The following CTNND2 variants were observed in gnomAD, a reference collection of about 807,000 sequenced individuals.
CTNND2 encodes catenin delta 2, also known as catenin delta-2.
CTNND2 carries 22 observed loss-of-function variants against 144.4 expected under a neutral mutation model. That is an observed-to-expected ratio of 0.15 (90% CI 0.11 to 0.22). CTNND2 has a LOEUF of 0.22. Among genes scored for constraint, CTNND2 ranks in the 10% least tolerant of loss-of-function variants. CTNND2 has a pLI of 1.00. For synonymous variants in CTNND2, 751 were observed against 695.6 expected (o/e 1.08, Z -1.25); for missense variants, 1,353 against 1,618.8 (o/e 0.84, Z 2.82).
chr5:11,141,221 T>C (rs1231463826), intron 12 of CTNND2, among the ~76,000 whole-genome samples: 4 of 152,222 alleles, frequency 2.6e-5, no homozygotes, highest in Non-Finnish European at 5.9e-5. Context: ...CCCAAAGTGC[T>C]GGGATTACAG....
chr5:11,099,562 G>A (rs1214245761), intron 14 of CTNND2, among the ~76,000 whole-genome samples: 1 of 151,938 alleles, frequency 6.6e-6, no homozygotes, highest in African/African-American at 2.4e-5. Context: ...AAGTAGTATG[G>A]GATTTGCACA....
chr5:11,543,932 A>G (rs1022907496), intron 3 of CTNND2, among the ~76,000 whole-genome samples: 6 of 152,200 alleles, frequency 3.9e-5, no homozygotes, highest in Non-Finnish European at 7.3e-5. Context: ...TGTAATTCCC[A>G]TAAATAAGTT....
At chr5:11,022,238 T>C (rs1220322675) in intron 17 of CTNND2, among the ~76,000 whole-genome samples, 1 of 152,166 alleles carries the variant, frequency 6.6e-6, no homozygotes, top group Non-Finnish European at 1.5e-5. Context: ...TAGGTTTAGA[T>C]TGGAAAGTAT....
chr5:11,382,932 C>T (rs1260399647), intron 7 of CTNND2, among the ~76,000 whole-genome samples: 2 of 152,086 alleles, frequency 1.3e-5, no homozygotes, highest in Non-Finnish European at 2.9e-5. Context: ...AGTTTGCAAC[C>T]TAAGCGCAAT....
At chr5:11,842,431 A>G (rs1330612814) in intron 1 of CTNND2, among the ~76,000 whole-genome samples, 1 of 152,154 alleles carries the variant, frequency 6.6e-6, no homozygotes, top group Non-Finnish European at 1.5e-5. Context: ...AAATCTCCTT[A>G]GATATGGGCC....
At chr5:11,510,739 T>C (rs1056197615) in intron 3 of CTNND2, among the ~76,000 whole-genome samples, 1 of 152,182 alleles carries the variant, frequency 6.6e-6, no homozygotes, top group East Asian at 1.9e-4. Context: ...AAGACCAGCC[T>C]GGCCAACATG....
chr5:11,286,806 G>A (rs1425953046), intron 9 of CTNND2, among the ~76,000 whole-genome samples: 1 of 152,110 alleles, frequency 6.6e-6, no homozygotes, highest in Admixed American at 6.6e-5. Flanking sequence ...GAAGATACAC[G>A]TTCCTCTGGT....
chr5:11,407,853 G>A (rs1761215070), intron 5 of CTNND2, among the ~76,000 whole-genome samples: 2 of 150,982 alleles, frequency 1.3e-5, no homozygotes, highest in African/African-American at 4.8e-5. Flanking sequence ...CTATACGGGA[G>A]AGGTAAATAT....
intron 11 of CTNND2, among the ~76,000 whole-genome samples, chr5:11,165,610 G>A (rs1259863821): frequency 6.6e-6 from 1 of 152,014 alleles, no homozygotes; most frequent in Non-Finnish European, 1.5e-5. Flanking sequence ...CTTTATCAGT[G>A]TAAAATTATT....
intron 7 of CTNND2, among the ~76,000 whole-genome samples, chr5:11,369,849 A>T (rs1161114606): frequency 6.6e-6 from 1 of 152,226 alleles, no homozygotes; most frequent in Admixed American, 6.5e-5. Context: ...TAAGAGAATG[A>T]GCCTCACTGG....
intron 10 of CTNND2, among the ~76,000 whole-genome samples, chr5:11,210,295 G>T (rs1738496571): frequency 6.6e-6 from 1 of 152,184 alleles, no homozygotes; most frequent in South Asian, 2.1e-4. Context: ...CTACTCAGGA[G>T]GCTGAGGAAT....
At position 11,204,571 on chromosome 5, in the gene CTNND2, C is replaced by CATCACTAAAGG. The variant is rs533365760; in HGVS notation, c.1762-4911_1762-4910insCCTTTAGTGAT. On this transcript the variant is annotated intron_variant, in intron 10 of 21. Coordinates refer to ENST00000304623, the MANE Select transcript of CTNND2 (RefSeq NM_001332.4). ...AGCACCTATTGCAAAAATAGGGCCC[C>CATCACTAAAGG]ATTTGTTACTCTTAACATAATCTGC... Among the ~76,000 whole-genome samples, 374 of 152,142 alleles carry CATCACTAAAGG rather than the reference C, an allele frequency of 2.5e-3. 4 individuals are homozygous for CATCACTAAAGG. The highest frequency in any genetic ancestry group is 7.4e-3 in the African/African-American group (308 of 41,458).
At chr5:11,347,450 T>G (rs962924786) in intron 8 of CTNND2, among the ~76,000 whole-genome samples, 1 of 152,248 alleles carries the variant, frequency 6.6e-6, no homozygotes, top group African/African-American at 2.4e-5. Flanking sequence ...GAATTTCAAT[T>G]TTTTGTTTCC....
At chr5:11,826,668 T>C (rs1254619153) in intron 1 of CTNND2, among the ~76,000 whole-genome samples, 1 of 151,892 alleles carries the variant, frequency 6.6e-6, no homozygotes, top group Non-Finnish European at 1.5e-5. Flanking sequence ...AAAATGATAA[T>C]ATCAAGTACC....
chr5:11,566,859 C>T lies in CTNND2; in HGVS notation c.175-1803G>A, dbSNP rs116824174. 1.7e-3 allele frequency among the ~76,000 whole-genome samples: 252 copies of T among 152,268 alleles called. 2 individuals are homozygous for T. The highest frequency in any genetic ancestry group is 5.9e-3 in the African/African-American group (247 of 41,558). ...TCGTTTGCAAGCTTCCTTCCCAGCACGCAGTCAGATTTTCCAAGACTCTTC... is the reference window on the plus strand; with the variant it reads ...TCGTTTGCAAGCTTCCTTCCCAGCATGCAGTCAGATTTTCCAAGACTCTTC... On this transcript the variant is annotated intron_variant, in intron 2 of 21. Transcript: ENST00000304623.
Position 11,098,656 on chromosome 5 carries a change from T to C in CTNND2, c.2556A>G (p.Thr852=). The C allele has an allele frequency of 1.9e-6, 3 of 1,614,058 alleles. No homozygotes were observed. Among genetic ancestry groups the C allele is most frequent in the Non-Finnish European group, 1.7e-6 (2 of 1,179,970 alleles). ...CTGGATTTGAGCACTCAGAGAGCAG[T>C]GTGAGGTAGGGTTTGACTATTGATG... ...WHPSIVKPYL[T]LLSECSNPDT... Residue 852 remains threonine (T), a synonymous_variant, in exon 15 of 22, where the codon ACA becomes ACG. Transcript: ENST00000304623.
chr5:11,772,095 G>C lies in CTNND2; in HGVS notation c.38-39823C>G, dbSNP rs145127840. On this transcript the variant is annotated intron_variant, in intron 1 of 21. Transcript: ENST00000304623. The stretch of plus-strand genomic sequence containing the variant: ...TGAACATGGTCCCTGCCTGTTCTAG[G>C]AGATAGCAGATTTTCTAATAGACTA... 2.1e-3 allele frequency among the ~76,000 whole-genome samples: 317 copies of C among 152,232 alleles called. 1 individual carries two copies. The highest frequency in any genetic ancestry group is 7.1e-3 in the African/African-American group (296 of 41,538).
chr5:11,892,428 C>A (rs1434703382), intron 1 of CTNND2, among the ~76,000 whole-genome samples: 1 of 152,118 alleles, frequency 6.6e-6, no homozygotes, highest in Non-Finnish European at 1.5e-5. Flanking sequence ...AATATGAAAA[C>A]CATTCAGCAG....
At chr5:11,148,794 A>G (rs973899736) in intron 12 of CTNND2, among the ~76,000 whole-genome samples, 1 of 152,214 alleles carries the variant, frequency 6.6e-6, no homozygotes, top group Non-Finnish European at 1.5e-5. Flanking sequence ...TTCTGCCTCA[A>G]TGATTTCCCC....
Sources: gnomAD v4.1 joint callset for allele counts (sites outside exome capture counted in the v4.1 genomes callset) on GRCh38, gnomAD v4.1.1 for gene constraint, MANE v1.5 for transcripts, NCBI Gene and HGNC (gene_info 2026-07-23, HGNC 2026-07-21) for gene names.